Variants in CHD6 observed in about 807,000 individuals in gnomAD.
CHD6 encodes the protein chromodomain helicase DNA binding protein 6.
Under a neutral mutation model 276.9 loss-of-function variants are expected in CHD6, and 50 were observed. That is an observed-to-expected ratio of 0.18 (90% CI 0.14 to 0.23). The LOEUF is 0.23. CHD6 is among the 10% of genes least tolerant of loss of function. The pLI is 1.00. For synonymous variants in CHD6, 1,173 were observed against 1,229.3 expected, an observed-to-expected ratio of 0.95 and a Z score of 0.96; for missense variants, 2,564 against 3,365.8, an observed-to-expected ratio of 0.76 and a Z score of 5.89.
chr20:41,608,953 G>T (rs1027508348), intron 1 of CHD6, among the ~76,000 whole-genome samples: 1 of 152,184 alleles, frequency 6.6e-6, no homozygotes, highest in Non-Finnish European at 1.5e-5. Flanking sequence ...ACAGAGTGTG[G>T]TTATTTTGTG....
At chr20:41,559,566 G>C (rs2045279605) in intron 1 of CHD6, among the ~76,000 whole-genome samples, 1 of 152,070 alleles carries the variant, frequency 6.6e-6, no homozygotes, top group Non-Finnish European at 1.5e-5. Flanking sequence ...TGATCCCTCT[G>C]ATTGCAGGCT....
At chr20:41,561,378 A>T (rs1428288530) in intron 1 of CHD6, among the ~76,000 whole-genome samples, 1 of 152,204 alleles carries the variant, frequency 6.6e-6, no homozygotes, top group African/African-American at 2.4e-5. Flanking sequence ...GTTTTCTATG[A>T]ATCACTAACT....
intron 2 of CHD6, chr20:41,547,613 T>C (rs2045068098): frequency 1.7e-6 from 1 of 586,134 alleles, no homozygotes; most frequent in Non-Finnish European, 3.2e-6. Context: ...AACTGACGAT[T>C]CAGAACAGAC....
intron 14 of CHD6, among the ~76,000 whole-genome samples, chr20:41,487,218 G>T (rs2043437250): frequency 6.6e-6 from 1 of 152,166 alleles, no homozygotes; most frequent in Non-Finnish European, 1.5e-5. Flanking sequence ...CCAGGTATGT[G>T]ACTGCCTTCT....
At chr20:41,500,870 C>CT (rs1173836381) in intron 5 of CHD6, among the ~76,000 whole-genome samples, 1 of 152,160 alleles carries the variant, frequency 6.6e-6, no homozygotes, top group Admixed American at 6.5e-5. Flanking sequence ...GTCAAACTCT[C>CT]TGAGGCCACA....
chr20:41,542,362 GC>G (rs556247871), intron 2 of CHD6, among the ~76,000 whole-genome samples: 46 of 152,272 alleles, frequency 3.0e-4, no homozygotes, highest in African/African-American at 1.1e-3. Flanking sequence ...TCCTACCCCT[GC>G]CACATAATAA....
In CHD6 at chr20:41,497,448, C is replaced by T. The variant is rs761355563; in HGVS notation, c.1028G>A (p.Arg343His). The T allele has an allele frequency of 3.7e-6, 6 of 1,613,894 alleles. No individual in the cohort carries two copies. Among genetic ancestry groups the T allele is most frequent in the Non-Finnish European group, 5.1e-6 (6 of 1,179,866 alleles). ...AAATCGCTTGATCTTCTGTGCGATG[C>T]GAGGATCCTTTTCGAGCTCTTCCAT... The part of the protein sequence containing the change: ...ATMEELEKDP[R>H]IAQKIKRFRN... Residue 343 changes from arginine to histidine, a missense_variant, in exon 8 of 37, where the codon CGC becomes CAC. Transcript: ENST00000373233.
chr20:41,611,553 G>C (rs949612267), intron 1 of CHD6, among the ~76,000 whole-genome samples: 3 of 152,072 alleles, frequency 2.0e-5, no homozygotes, highest in African/African-American at 7.2e-5. Flanking sequence ...AGCATAGCTT[G>C]TTAAAACACA....
rs573248926 is a variant in CHD6, at chr20:41,503,969, T to C, written c.853-4612A>G. On this transcript the variant is annotated intron_variant, in intron 5 of 36. Transcript: ENST00000373233. ...GGCGCACACCTGTAATCACATCTACTTGGGAGGCTGAGGAAAGAGAATTGC... is the reference window on the plus strand; with the variant it reads ...GGCGCACACCTGTAATCACATCTACCTGGGAGGCTGAGGAAAGAGAATTGC... Among the ~76,000 whole-genome samples, 15 of 148,970 alleles carry C rather than the reference T, an allele frequency of 1.0e-4. 3 individuals carry two copies. Among genetic ancestry groups the C allele is most frequent in the African/African-American group, 3.7e-4 (15 of 40,126 alleles).
rs568830295 is a variant in CHD6 at position 41,413,680 on chromosome 20, G to A, written c.6940-165C>T. The A allele has an allele frequency of 6.7e-4, 346 of 519,386 alleles. 3 individuals carry two copies. The highest frequency in any genetic ancestry group is 6.6e-3 in the South Asian group (205 of 30,962). 32.2% of individuals were successfully genotyped at this position (519,386 alleles called of 1,614,324 possible). On this transcript the variant is annotated intron_variant, in intron 34 of 36. Transcript: ENST00000373233. The stretch of plus-strand genomic sequence containing the variant: ...AACCCTACACACACCACTGACCCAC[G>A]CCCACATAAGCTCTTGCAAGTGATT...
At chr20:41,491,299 C>CATATAT (rs145303299) in intron 11 of CHD6, among the ~76,000 whole-genome samples, 3 of 143,866 alleles carry the variant, frequency 2.1e-5, no homozygotes, top group Non-Finnish European at 3.0e-5. Context: ...TGTATATTCC[C>CATATAT]ATATATATAT....
At position 41,452,667 on chromosome 20, in the gene CHD6, C is replaced by T; in HGVS notation, c.3323+73G>A. On this transcript the variant is annotated intron_variant, in intron 21 of 36. Coordinates refer to ENST00000373233, the MANE Select transcript of CHD6 (RefSeq NM_032221.5). The surrounding 1 kb of genome is among the most constrained non-coding windows in gnomAD (Gnocchi z 4.2). Reference sequence around the variant, plus strand: ...AAGGTGACTGGAGAGACATCCTAGACAAATCTCAGGGACTGAAAAACAGAG... The same window carrying T: ...AAGGTGACTGGAGAGACATCCTAGATAAATCTCAGGGACTGAAAAACAGAG... 1 of 1,368,574 alleles carries T rather than the reference C, an allele frequency of 7.3e-7. No homozygotes were observed. The highest frequency in any genetic ancestry group is 1.0e-6 in the Non-Finnish European group (1 of 977,768). 84.8% of individuals were successfully genotyped at this position (1,368,574 alleles called of 1,614,324 possible). A position where few individuals can be genotyped will look rare whatever the true frequency, so the allele number is the denominator to read the frequency against.
chr20:41,455,520 C>A (rs2145683687), intron 19 of CHD6, among the ~76,000 whole-genome samples: 1 of 152,272 alleles, frequency 6.6e-6, no homozygotes, highest in African/African-American at 2.4e-5. Flanking sequence ...CAGAGCAGTC[C>A]TTGCAAACAG....
At position 41,467,809 on chromosome 20, in the gene CHD6, A is replaced by T. The variant is rs1316378476; in HGVS notation, c.2664+5513T>A. Among the ~76,000 whole-genome samples the T allele has an allele frequency of 7.1e-5, 4 of 56,282 alleles. No homozygotes were observed. In the East Asian group the frequency reaches 1.9e-3, roughly 27 times the overall value. 36.9% of individuals were successfully genotyped at this position (56,282 alleles called of 152,430 possible). On this transcript the variant is annotated intron_variant, in intron 17 of 36. Coordinates refer to ENST00000373233, the MANE Select transcript of CHD6 (RefSeq NM_032221.5). ...TGCTTTTGGGCAACAGAAAGGAGTT[A>T]AAAAAAAAAAAAAAAGAGGACATTG...
At chr20:41,430,116 T>G (rs1372930743) in intron 27 of CHD6, among the ~76,000 whole-genome samples, 1 of 152,234 alleles carries the variant, frequency 6.6e-6, no homozygotes, top group Non-Finnish European at 1.5e-5. Context: ...CTGGCTCAGA[T>G]GCCGGCCATC....
At chr20:41,447,764 G>A (rs1363990357) in intron 24 of CHD6, 118 bp downstream of exon 24, 5 of 616,640 alleles carry the variant, frequency 8.1e-6, no homozygotes, top group African/African-American at 5.7e-5. Flanking sequence ...CACCGGTCCT[G>A]GGCAGGGGGT....
chr20:41,437,807 A>G (rs1450924292), intron 26 of CHD6, among the ~76,000 whole-genome samples: 1 of 152,124 alleles, frequency 6.6e-6, no homozygotes, highest in Non-Finnish European at 1.5e-5. Context: ...CCTTCTTCTG[A>G]AGGCATTCCA....
chr20:41,476,731 C>T (rs2043175427), intron 16 of CHD6, among the ~76,000 whole-genome samples: 1 of 150,574 alleles, frequency 6.6e-6, no homozygotes, highest in African/African-American at 2.4e-5. Flanking sequence ...TATGAAGGAC[C>T]CAAGTTAAGT....
chr20:41,532,923 G>A, intron 3 of CHD6, 127 bp downstream of exon 3: 1 of 1,059,004 alleles, frequency 9.4e-7, no homozygotes, highest in Non-Finnish European at 1.3e-6. Flanking sequence ...TCCTATACAG[G>A]TGAGATGTGA....
Sources: gnomAD v4.1 joint callset for allele counts (sites outside exome capture counted in the v4.1 genomes callset) on GRCh38, gnomAD v4.1.1 for gene constraint, Gnocchi (gnomAD v3.1) non-coding constraint, MANE v1.5 for transcripts, NCBI Gene and HGNC (gene_info 2026-07-23, HGNC 2026-07-21) for gene names.